The following KCNMA1 variants were observed in gnomAD, a reference collection of about 807,000 sequenced individuals.
KCNMA1 encodes Calcium-activated potassium channel subunit alpha-1.
KCNMA1 carries 29 observed loss-of-function variants against 140.0 expected under a neutral mutation model. The observed-to-expected ratio is 0.21, with a 90% confidence interval of 0.15 to 0.28. KCNMA1 has a LOEUF of 0.28. Ranked by LOEUF, KCNMA1 falls within the 10% of genes least tolerant of loss-of-function variation. KCNMA1 has a pLI of 1.00. For missense variants in KCNMA1, 880 were observed against 1,602.2 expected, an observed-to-expected ratio of 0.55 and a Z score of 7.70; for synonymous variants, 612 against 611.9, an observed-to-expected ratio of 1.00 and a Z score of 0.00.
At chr10:77,458,712 T>C (rs78490538) in intron 1 of KCNMA1, among the ~76,000 whole-genome samples, 7,645 of 152,230 alleles carry the variant, frequency 0.05, 460 homozygotes, top group African/African-American at 0.14. Flanking sequence ...TTGTTAATGG[T>C]CAGGACACTG....
chr10:77,395,959 T>C (rs931368558), intron 2 of KCNMA1, among the ~76,000 whole-genome samples: 4 of 152,216 alleles, frequency 2.6e-5, no homozygotes, highest in Non-Finnish European at 5.9e-5. Flanking sequence ...ATTTCATGTT[T>C]AATAGTAAAA....
chr10:77,502,050 A>G (rs994571750), intron 1 of KCNMA1, among the ~76,000 whole-genome samples: 7 of 152,202 alleles, frequency 4.6e-5, no homozygotes, highest in Admixed American at 1.3e-4. Flanking sequence ...GGTGAGACCC[A>G]TGAAGGACAG....
At chr10:76,930,745 T>C (rs2059061617) in intron 23 of KCNMA1, among the ~76,000 whole-genome samples, 1 of 151,838 alleles carries the variant, frequency 6.6e-6, no homozygotes, top group Non-Finnish European at 1.5e-5. Context: ...GATGAGTAGA[T>C]AAAGAAAATA....
intron 25 of KCNMA1, among the ~76,000 whole-genome samples, chr10:76,907,465 G>A (rs1443098254): frequency 6.6e-6 from 1 of 152,186 alleles, no homozygotes; most frequent in East Asian, 1.9e-4. Context: ...CTTGGAACCA[G>A]GGCTGGTTTC....
At position 77,509,094 on chromosome 10, in the gene KCNMA1, G is replaced by C. The variant is rs930009903; in HGVS notation, c.379-105071C>G. Reference sequence around the variant, plus strand: ...TACTGTTTTTTGTTGTTGTCATTTTGTTGGGTTTTGTTGTTGTTGTTGTTG... The same window carrying C: ...TACTGTTTTTTGTTGTTGTCATTTTCTTGGGTTTTGTTGTTGTTGTTGTTG... On this transcript the variant is annotated intron_variant, in intron 1 of 27. Transcript: ENST00000286628. Among the ~76,000 whole-genome samples, 21 of 132,992 alleles carry C rather than the reference G, an allele frequency of 1.6e-4. No homozygotes were observed. In the Admixed American group the frequency reaches 1.6e-3, roughly 10 times the overall value. 87.2% of individuals were successfully genotyped at this position (132,992 alleles called of 152,430 possible).
intron 1 of KCNMA1, among the ~76,000 whole-genome samples, chr10:77,515,212 T>TG (rs1161313798): frequency 6.6e-6 from 1 of 151,802 alleles, no homozygotes; most frequent in East Asian, 1.9e-4. Flanking sequence ...CACCGGGGGA[T>TG]GGGGGGGAAA....
intron 1 of KCNMA1, among the ~76,000 whole-genome samples, chr10:77,487,164 C>T (rs1227470136): frequency 6.6e-6 from 1 of 152,200 alleles, no homozygotes; most frequent in Admixed American, 6.5e-5. Flanking sequence ...ATAGTAGAAT[C>T]TAGATGAGTA....
At chr10:77,449,646 T>A (rs970624999) in intron 1 of KCNMA1, among the ~76,000 whole-genome samples, 1 of 19,700 alleles carries the variant, frequency 5.1e-5, no homozygotes, top group African/African-American at 1.8e-4. Flanking sequence ...AATTTTTAAT[T>A]TTTTTTTTTT....
intron 9 of KCNMA1, among the ~76,000 whole-genome samples, chr10:77,097,042 C>A (rs1194438230): frequency 6.6e-6 from 1 of 152,084 alleles, no homozygotes; most frequent in Admixed American, 6.5e-5. Flanking sequence ...CAAAGCTTCA[C>A]GTTTGCCCCC....
At chr10:77,239,345 T>A (rs1447606885) in intron 3 of KCNMA1, among the ~76,000 whole-genome samples, 1 of 152,194 alleles carries the variant, frequency 6.6e-6, no homozygotes, top group African/African-American at 2.4e-5. Context: ...TATCTCAAAC[T>A]GGGCCATGGG....
Position 77,213,293 on chromosome 10 carries a change from T to C in KCNMA1, c.603-28377A>G, listed in dbSNP as rs1027509137. Among the ~76,000 whole-genome samples, 5 of 152,180 alleles carry C rather than the reference T, an allele frequency of 3.3e-5. No homozygotes were observed. In the South Asian group the frequency reaches 8.3e-4, roughly 25 times the overall value. On this transcript the variant is annotated intron_variant, in intron 3 of 27. Coordinates refer to ENST00000286628, the MANE Select transcript of KCNMA1 (RefSeq NM_001161352.2). The stretch of plus-strand genomic sequence containing the variant: ...TAGCTTTCAGCACCTATACTTGGAC[T>C]TGCTTATCATCCTTATCCCCCTAAT...
intron 5 of KCNMA1, among the ~76,000 whole-genome samples, chr10:77,160,220 C>T (rs909722305): frequency 6.6e-6 from 1 of 152,172 alleles, no homozygotes; most frequent in Non-Finnish European, 1.5e-5. Context: ...TCAGCTGCCT[C>T]CCTATATGAT....
chr10:77,034,022 G>A (rs774023304), intron 15 of KCNMA1, among the ~76,000 whole-genome samples: 2 of 152,032 alleles, frequency 1.3e-5, no homozygotes, highest in African/African-American at 4.8e-5. Flanking sequence ...TGGGTGGATC[G>A]CCTGAGCTCA....
intron 1 of KCNMA1, among the ~76,000 whole-genome samples, chr10:77,496,596 CAAAAAAA>C (rs201304328): frequency 1.3e-3 from 85 of 63,014 alleles, no homozygotes; most frequent in East Asian, 2.2e-3. Flanking sequence ...GACACTGTCT[CAAAAAAA>C]AAAAAAAAAA....
At chr10:76,992,537 A>G (rs2153349916) in intron 19 of KCNMA1, among the ~76,000 whole-genome samples, 1 of 152,286 alleles carries the variant, frequency 6.6e-6, no homozygotes, top group East Asian at 1.9e-4. Context: ...GTTTGGGAGA[A>G]AGCCCCAGAG....
intron 5 of KCNMA1, among the ~76,000 whole-genome samples, chr10:77,137,683 C>A (rs1003474431): frequency 6.6e-6 from 1 of 152,188 alleles, no homozygotes; most frequent in Non-Finnish European, 1.5e-5. Context: ...GGCTTTTGTT[C>A]CCACAGTCAG....
chr10:77,343,338 A>T (rs2091424090), intron 2 of KCNMA1, among the ~76,000 whole-genome samples: 1 of 152,196 alleles, frequency 6.6e-6, no homozygotes, highest in African/African-American at 2.4e-5. Context: ...CATTGTCCTG[A>T]TTGTATAGAT....
chr10:76,911,576 A>G (rs2050277838), intron 24 of KCNMA1: 1 of 152,222 alleles, frequency 6.6e-6, no homozygotes, highest in African/African-American at 2.4e-5. Context: ...TACGAATGGG[A>G]TGGTGCCCAG....
At chr10:76,977,133 C>T (rs754332052) in intron 19 of KCNMA1, among the ~76,000 whole-genome samples, 18 of 152,148 alleles carry the variant, frequency 1.2e-4, no homozygotes, top group Non-Finnish European at 2.2e-4. Context: ...AAAGTTAAAC[C>T]TGACTCCTTT....
Sources: allele counts gnomAD v4.1 joint callset (sites outside exome capture counted in the v4.1 genomes callset), GRCh38; gene constraint gnomAD v4.1.1; transcripts MANE v1.5; gene names NCBI Gene and HGNC (gene_info 2026-07-23, HGNC 2026-07-21).